GPKOW: variants seen among roughly 807,000 people sequenced by gnomAD.
GPKOW encodes G-patch domain and KOW motifs-containing protein.
For synonymous variants in GPKOW, 167 were observed against 159.1 expected, an observed-to-expected ratio of 1.05 and a Z score of -0.37; for missense variants, 359 against 404.7, an observed-to-expected ratio of 0.89 and a Z score of 0.97.
chrX:49,114,604 C>CAAA (rs1185889995), intron 9 of GPKOW, among the ~76,000 whole-genome samples: 5 of 54,950 alleles, frequency 9.1e-5, no homozygotes, highest in African/African-American at 3.2e-4. Context: ...GACCCAATCT[C>CAAA]AAAAAAAAAA....
Position 49,117,710 on chromosome X carries a change from T to C in GPKOW, c.667A>G (p.Met223Val). The change falls in exon 5 of 11, where the codon ATG (methionine) becomes GTG (valine). Residue 223 changes from methionine to valine, a missense_variant. Physicochemically the swap from Met to Val is conservative, Grantham distance 21. Coordinates refer to ENST00000156109, the MANE Select transcript of GPKOW (RefSeq NM_015698.6). Reference sequence around the variant, plus strand: ...TCTTGCTCCTCATCTGGTCTTGGCATGCGGGAGGGGCCAGTGGGGGTCAAG... The same window carrying C: ...TCTTGCTCCTCATCTGGTCTTGGCACGCGGGAGGGGCCAGTGGGGGTCAAG... ...QALTPTGPSRMPRPDEEQEKD... is the reference protein window; with the variant it reads ...QALTPTGPSRVPRPDEEQEKD... 1 of 1,208,959 alleles carries C rather than the reference T, an allele frequency of 8.3e-7. No homozygotes were observed.
intron 7 of GPKOW, 87 bp from the exon 8 acceptor site, chrX:49,116,101 C>A (rs2065192705): frequency 8.7e-7 from 1 of 1,146,747 alleles, no homozygotes; most frequent in South Asian, 1.9e-5. Flanking sequence ...ATGAAACCCA[C>A]CCACAATGCA....
In GPKOW at chrX:49,117,128, A is replaced by G. The variant is rs2065196410; in HGVS notation, c.815T>C (p.Met272Thr). 4 of 1,209,138 alleles carry G rather than the reference A, an allele frequency of 3.3e-6. No individual in the cohort carries two copies. Among genetic ancestry groups the G allele is most frequent in the Non-Finnish European group, 4.5e-6 (4 of 894,641 alleles). ...EGLDPDNVRA[M>T]VRLAVGSRVV... ...CCGGCTCCCCACAGCCAGACGAACC[A>G]TGGCCCGAACATTGTCAGGATCAAG... is the stretch of plus-strand genomic sequence containing the variant. The change falls in exon 6 of 11, where the codon ATG becomes ACG. Residue 272 changes from methionine (M) to threonine (T), a missense_variant. Physicochemically the swap from Met to Thr is moderately conservative, Grantham distance 81. Coordinates refer to ENST00000156109, the MANE Select transcript of GPKOW (RefSeq NM_015698.6).
chrX:49,117,882 G>T, intron 4 of GPKOW, 72 bp from the exon 5 acceptor site: 1 of 588,108 alleles, frequency 1.7e-6, no homozygotes, highest in Non-Finnish European at 2.5e-6. Context: ...TCCTCTTCCT[G>T]CCCAAACCCG....
At position 49,113,871 on chromosome X, in the gene GPKOW, C is replaced by T; in HGVS notation, c.1278G>A (p.Leu426=). 8.3e-7 allele frequency: 1 copy of T among 1,208,393 alleles called. No homozygotes were observed. The highest frequency in any genetic ancestry group is 1.1e-6 in the Non-Finnish European group (1 of 892,438). The change falls in exon 10 of 11, where the codon CTG becomes CTA. Residue 426 remains leucine, a synonymous_variant. Transcript: ENST00000156109. ...KAEGDRVMVV[L]GPQTGRVGHL... is the part of the protein sequence containing the mutation. ...GACTCACCCTTCCAGTCTGTGGGCC[C>T]AGCACCACCATCACACGGTCACCCT...
At position 49,116,087 on chromosome X, in the gene GPKOW, T is replaced by A. The variant is rs1366639039; in HGVS notation, c.1017-73A>T. 3.4e-6 allele frequency: 4 copies of A among 1,175,174 alleles called. No individual in the cohort carries two copies. In the African/African-American group the frequency reaches 7.1e-5, roughly 21 times the overall value. On this transcript the variant is annotated intron_variant, in intron 7 of 10. Coordinates refer to ENST00000156109, the MANE Select transcript of GPKOW (RefSeq NM_015698.6). ...TTTCCAGTTGCCCTCCCTTTGCCTA[T>A]GCTATGAAACCCACCCACAATGCAG...
chrX:49,119,144 A>C (rs1466077531), intron 4 of GPKOW, among the ~76,000 whole-genome samples: 2 of 107,727 alleles, frequency 1.9e-5, no homozygotes, highest in African/African-American at 6.8e-5. Context: ...TTTTTAGTAG[A>C]GATGGGCTTT....
At position 49,113,559 on chromosome X, in the gene GPKOW, G is replaced by A; in HGVS notation, c.*62C>T. 3 of 1,113,223 alleles carry A rather than the reference G, an allele frequency of 2.7e-6. No individual in the cohort carries two copies. In the East Asian group the frequency reaches 9.0e-5, roughly 34 times the overall value. 91.7% of individuals were successfully genotyped at this position (1,113,223 alleles called of 1,213,427 possible). Reference sequence around the variant, plus strand: ...AACAATGATCTTCCCACCTTCTGAAGGCAACTTTCTCATATGGTACAGAAC... The same window carrying A: ...AACAATGATCTTCCCACCTTCTGAAAGCAACTTTCTCATATGGTACAGAAC... On this transcript the variant is annotated 3_prime_UTR_variant, in exon 11 of 11. Transcript: ENST00000156109.
In GPKOW at chrX:49,122,715, T is replaced by G; in HGVS notation, c.238A>C (p.Arg80=). 1 of 1,209,657 alleles carries G rather than the reference T, an allele frequency of 8.3e-7. No homozygotes were observed. The highest frequency in any genetic ancestry group is 1.1e-6 in the Non-Finnish European group (1 of 893,575). Reference sequence around the variant, plus strand: ...CCAGGGGGCCGGGCTGGTGGCTGCCTGCGATGGCCATTCTGGATCAAAGGG... The same window carrying G: ...CCAGGGGGCCGGGCTGGTGGCTGCCGGCGATGGCCATTCTGGATCAAAGGG... ...VIPLIQNGHR[R]QPPARPPGPS... Residue 80 remains arginine, a synonymous_variant, in exon 2 of 11, where the codon AGG becomes CGG. Coordinates refer to ENST00000156109, the MANE Select transcript of GPKOW (RefSeq NM_015698.6).
intron 3 of GPKOW, among the ~76,000 whole-genome samples, chrX:49,120,333 G>C (rs938219673): frequency 9.8e-5 from 11 of 111,766 alleles, no homozygotes; most frequent in Non-Finnish European, 1.9e-4. Flanking sequence ...ACAAGGCTTG[G>C]TATGTGTGAG....
At chrX:49,114,464 GC>G (rs1370988300) in intron 9 of GPKOW, among the ~76,000 whole-genome samples, 1 of 107,786 alleles carries the variant, frequency 9.3e-6, no homozygotes, top group Non-Finnish European at 1.9e-5. Flanking sequence ...AATTAGCCAG[GC>G]ATGGTGGTCA....
rs782155761 is a variant in GPKOW at position 49,119,693 on chromosome X, C to A, written c.566+12G>T. The A allele has an allele frequency of 7.4e-6, 8 of 1,082,564 alleles. No homozygotes were observed. Among genetic ancestry groups the A allele is most frequent in the Middle Eastern group, 2.5e-4 (1 of 4,058 alleles). 89.2% of individuals were successfully genotyped at this position (1,082,564 alleles called of 1,213,427 possible). A position where few individuals can be genotyped will look rare whatever the true frequency, so the allele number is the denominator to read the frequency against. ...GATCTGTCTGTCCCCTCGACCCTAT[C>A]CCAGAACTCACTGATTGAAGGTGCG... On this transcript the variant is annotated intron_variant, in intron 4 of 10. Transcript: ENST00000156109.
At chrX:49,114,262 C>T (rs2065182693) in intron 9 of GPKOW, among the ~76,000 whole-genome samples, 1 of 110,575 alleles carries the variant, frequency 9.0e-6, no homozygotes, top group African/African-American at 3.3e-5. Context: ...GCCTCAGCCT[C>T]CTGAGTAGCT....
At chrX:49,121,342 C>T (rs1295302745) in intron 3 of GPKOW, among the ~76,000 whole-genome samples, 1 of 110,552 alleles carries the variant, frequency 9.0e-6, no homozygotes, top group Non-Finnish European at 1.9e-5. Flanking sequence ...GCAGGAGAAT[C>T]GCTTGATCCC....
chrX:49,115,720 A>G lies in GPKOW; in HGVS notation c.1210+6T>C, dbSNP rs782702695. ...TCAACCTCCAGCTGCCATCGCTCAA[A>G]CTCACCTTCCAGGACTCGGCCTTCA... On this transcript the variant is annotated splice_donor_region_variant and intron_variant, in intron 9 of 10. Coordinates refer to ENST00000156109, the MANE Select transcript of GPKOW (RefSeq NM_015698.6). 1.1e-5 allele frequency: 13 copies of G among 1,199,330 alleles called. No homozygotes were observed. In the South Asian group the frequency reaches 1.8e-4, roughly 16 times the overall value.
In GPKOW at chrX:49,116,230, A is replaced by T; in HGVS notation, c.1007T>A (p.Leu336His). The T allele has an allele frequency of 8.4e-7, 1 of 1,191,334 alleles. No individual in the cohort carries two copies. The highest frequency in any genetic ancestry group is 1.1e-6 in the Non-Finnish European group (1 of 877,053). ...ATGCTCAGAGTCCCACCGGTCTGGAAGGTGTTTCCGCTTCCTCTCTGAGTT... is the reference window on the plus strand; with the variant it reads ...ATGCTCAGAGTCCCACCGGTCTGGATGGTGTTTCCGCTTCCTCTCTGAGTT... Reference protein sequence around the residue: ...QDNSERKRKHLPDRQDGPAAK... With the variant: ...QDNSERKRKHHPDRQDGPAAK... The change falls in exon 7 of 11, where the codon CTT becomes CAT. Residue 336 changes from leucine (L) to histidine (H), a missense_variant. By Grantham distance (99) the Leu-to-His change is moderately conservative. Transcript: ENST00000156109.
intron 5 of GPKOW, 44 bp downstream of exon 5, chrX:49,117,553 C>T (rs1442365837): frequency 3.1e-6 from 3 of 975,611 alleles, no homozygotes; most frequent in Non-Finnish European, 2.9e-6. Flanking sequence ...GATCAACCTT[C>T]CCTGCTGCCT....
intron 9 of GPKOW, among the ~76,000 whole-genome samples, chrX:49,114,604 CAAAAAAAAAAAAAG>C (rs1444426320): frequency 4.2e-4 from 23 of 54,981 alleles, no homozygotes; most frequent in African/African-American, 8.0e-4. Context: ...GACCCAATCT[CAAAAAAAAAAAAAG>C]AAAAAAAAAA....
At position 49,115,757 on chromosome X, in the gene GPKOW, T is replaced by C; in HGVS notation, c.1179A>G (p.Val393=). 2 of 1,208,269 alleles carry C rather than the reference T, an allele frequency of 1.7e-6. No homozygotes were observed. Among genetic ancestry groups the C allele is most frequent in the South Asian group, 1.8e-5 (1 of 56,893 alleles). ...IEDVLSPDTC[V]CRTDEGRVLE... is the part of the protein sequence containing the mutation. ...GGACTCGGCCTTCATCTGTCCGACA[T>C]ACACAGGTATCTGGGCTTAGGACAT... The change falls in exon 9 of 11, where the codon GTA becomes GTG. Residue 393 remains valine (V), a synonymous_variant. Coordinates refer to ENST00000156109, the MANE Select transcript of GPKOW (RefSeq NM_015698.6).
Sources: gnomAD v4.1 joint callset for allele counts (sites outside exome capture counted in the v4.1 genomes callset) on GRCh38, gnomAD v4.1.1 for gene constraint, MANE v1.5 for transcripts, NCBI Gene and HGNC (gene_info 2026-07-23, HGNC 2026-07-21) for gene names.